Variants in SEMA3A observed in about 807,000 individuals in gnomAD.
The protein encoded by SEMA3A is semaphorin 3A, also known as semaphorin-3A.
SEMA3A carries 29 observed loss-of-function variants against 97.9 expected under a neutral mutation model. The observed-to-expected ratio is 0.30, with a 90% CI of 0.22 to 0.40. SEMA3A has a LOEUF of 0.40. SEMA3A is among the 10% of genes least tolerant of loss of function. SEMA3A has a pLI of 1.00. For synonymous variants in SEMA3A, 321 were observed against 323.7 expected, an observed-to-expected ratio of 0.99 and a Z score of 0.09; for missense variants, 763 against 951.3, an observed-to-expected ratio of 0.80 and a Z score of 2.60.
At chr7:83,987,754 A>G (rs894547717) in intron 12 of SEMA3A, among the ~76,000 whole-genome samples, 1 of 152,096 alleles carries the variant, frequency 6.6e-6, no homozygotes. Flanking sequence ...CATTTAATTT[A>G]TATTTAAGAT....
intron 6 of SEMA3A, among the ~76,000 whole-genome samples, chr7:84,044,305 CA>C (rs1259904289): frequency 6.6e-5 from 10 of 151,944 alleles, no homozygotes; most frequent in African/African-American, 2.4e-4. Context: ...AGCACCTTTT[CA>C]TTTCCCTGGT....
At chr7:84,433,042 T>C (rs1006254677) in intron 1 of SEMA3A, among the ~76,000 whole-genome samples, 5 of 151,926 alleles carry the variant, frequency 3.3e-5, no homozygotes, top group Non-Finnish European at 5.9e-5. Context: ...TTCCTCTCCA[T>C]AGCCTCTCTA....
At chr7:84,037,849 C>A (rs1791996579) in intron 6 of SEMA3A, among the ~76,000 whole-genome samples, 1 of 151,686 alleles carries the variant, frequency 6.6e-6, no homozygotes, top group Non-Finnish European at 1.5e-5. Flanking sequence ...CCATAGGAAA[C>A]TGATATACGG....
At chr7:84,065,800 T>A (rs916131171) in intron 4 of SEMA3A, among the ~76,000 whole-genome samples, 10 of 151,220 alleles carry the variant, frequency 6.6e-5, no homozygotes, top group African/African-American at 2.4e-4. Context: ...CCAAAAAGAG[T>A]CCAGGACCAG....
chr7:84,103,801 T>G (rs13226948), intron 4 of SEMA3A, among the ~76,000 whole-genome samples: 60,939 of 151,770 alleles, frequency 0.4, 13,963 homozygotes, highest in Admixed American at 0.51. Context: ...GGCTGGAGAA[T>G]GAAAGGGAAG....
chr7:84,084,412 A>G (rs186289989), intron 4 of SEMA3A, among the ~76,000 whole-genome samples: 374 of 152,172 alleles, frequency 2.5e-3, no homozygotes, highest in African/African-American at 8.3e-3. Context: ...CAGTAGGAAA[A>G]ATATGTCTAA....
chr7:84,185,375 A>G (rs1199227570), intron 1 of SEMA3A, among the ~76,000 whole-genome samples: 1 of 151,136 alleles, frequency 6.6e-6, no homozygotes, highest in Non-Finnish European at 1.5e-5. Context: ...AATTAAAGAA[A>G]TAATAAGGGG....
At chr7:84,127,018 T>TC (rs1386503522) in intron 3 of SEMA3A, among the ~76,000 whole-genome samples, 1 of 147,488 alleles carries the variant, frequency 6.8e-6, no homozygotes, top group African/African-American at 2.5e-5. Flanking sequence ...AGAACACACT[T>TC]TTTTTTTTTT....
At chr7:84,409,472 T>A (rs559502001) in intron 1 of SEMA3A, among the ~76,000 whole-genome samples, 1 of 152,204 alleles carries the variant, frequency 6.6e-6, no homozygotes, top group South Asian at 2.1e-4. Flanking sequence ...TTGTGTTACT[T>A]CCTTGGCATT....
intron 11 of SEMA3A, among the ~76,000 whole-genome samples, chr7:84,002,435 C>T (rs12112097): frequency 0.025 from 3,811 of 152,136 alleles, 162 homozygotes; most frequent in African/African-American, 0.087. Context: ...AGAAACAAAA[C>T]CTAAAAATAA....
At chr7:84,062,929 G>GGCCT (rs1433310241) in intron 4 of SEMA3A, among the ~76,000 whole-genome samples, 72 of 152,068 alleles carry the variant, frequency 4.7e-4, no homozygotes, top group African/African-American at 1.7e-3. Flanking sequence ...AGCTCAAGGA[G>GGCCT]GCCTGCCTGC....
chr7:84,309,609 T>C lies in SEMA3A; in HGVS notation c.-168-2317A>G, dbSNP rs559240249. Among the ~76,000 whole-genome samples the C allele has an allele frequency of 5.9e-5, 9 of 152,290 alleles. 1 individual carries two copies. Among genetic ancestry groups the C allele is most frequent in the Middle Eastern group, 3.4e-3 (1 of 294 alleles). On this transcript the variant is annotated intron_variant, in intron 2 of 3. Coordinates refer to the SEMA3A transcript ENST00000424555. ...CTTTCTCCCTTGACCCTAATCAGCATTGGTCTGTAGAACATATACCACGTG... is the reference window on the plus strand; with the variant it reads ...CTTTCTCCCTTGACCCTAATCAGCACTGGTCTGTAGAACATATACCACGTG...
chr7:84,480,737 G>A (rs1028222968), intron 1 of SEMA3A, among the ~76,000 whole-genome samples: 1 of 152,124 alleles, frequency 6.6e-6, no homozygotes, highest in African/African-American at 2.4e-5. Context: ...CGAAGTGTTA[G>A]AACTTTATCA....
chr7:83,959,661 A>G lies in SEMA3A; in HGVS notation c.*1710T>C, dbSNP rs574372956. 1 of 152,186 alleles carries G rather than the reference A, an allele frequency of 6.6e-6. No homozygotes were observed. The highest frequency in any genetic ancestry group is 1.9e-4 in the East Asian group (1 of 5,178). The allele number at this position is 152,186 out of a possible 1,614,324, so 9.4% of individuals were successfully genotyped here. ...CACTGTAGTCTGAGGTGAGAAATTG[A>G]TGCTGAGTTAATTAGAATCCAAAGA... On this transcript the variant is annotated 3_prime_UTR_variant, in exon 17 of 17. Coordinates refer to ENST00000265362, the MANE Select transcript of SEMA3A (RefSeq NM_006080.3).
intron 5 of SEMA3A, among the ~76,000 whole-genome samples, chr7:84,051,438 T>C (rs1231041398): frequency 6.6e-6 from 1 of 152,214 alleles, no homozygotes; most frequent in Non-Finnish European, 1.5e-5. Context: ...CCCTTGTAAG[T>C]TGGATTCCTA....
intron 3 of SEMA3A, among the ~76,000 whole-genome samples, chr7:84,126,404 C>T (rs1274913407): frequency 6.6e-6 from 1 of 152,006 alleles, no homozygotes; most frequent in African/African-American, 2.4e-5. Flanking sequence ...TGGGGCTTCA[C>T]CATGTTGGCC....
intron 4 of SEMA3A, among the ~76,000 whole-genome samples, chr7:84,086,277 C>T (rs1794337746): frequency 6.6e-6 from 1 of 151,662 alleles, no homozygotes; most frequent in African/African-American, 2.4e-5. Flanking sequence ...CTCGTTCCTA[C>T]AACAGTCTCT....
chr7:84,017,808 C>G (rs1365806169), intron 6 of SEMA3A, among the ~76,000 whole-genome samples: 1 of 152,116 alleles, frequency 6.6e-6, no homozygotes, highest in East Asian at 1.9e-4. Context: ...TGAATCACCT[C>G]TTTATTCAAT....
intron 3 of SEMA3A, among the ~76,000 whole-genome samples, chr7:84,261,099 C>A (rs1442421568): frequency 6.6e-6 from 1 of 152,168 alleles, no homozygotes. Context: ...CAATCTGGGT[C>A]TCTTCAACTC....
Sources: allele counts gnomAD v4.1 joint callset (sites outside exome capture counted in the v4.1 genomes callset), GRCh38; gene constraint gnomAD v4.1.1; transcripts MANE v1.5; gene names NCBI Gene and HGNC (gene_info 2026-07-23, HGNC 2026-07-21).